Variants in SMYD3 observed in about 807,000 individuals in gnomAD.
SMYD3 encodes histone-lysine N-methyltransferase SMYD3.
In SMYD3, 36 loss-of-function variants were observed where a neutral mutation model predicts 57.7. The observed-to-expected ratio is 0.62, with a 90% CI of 0.48 to 0.82. SMYD3 has a LOEUF of 0.82. Ranked by LOEUF, SMYD3 falls within the 40% of genes least tolerant of loss-of-function variation. The pLI is 0.00. For synonymous variants in SMYD3, 211 were observed against 195.0 expected, an observed-to-expected ratio of 1.08 and a Z score of -0.68; for missense variants, 515 against 538.8, an observed-to-expected ratio of 0.96 and a Z score of 0.44.
At chr1:245,959,941 G>C (rs2057957129) in intron 5 of SMYD3, among the ~76,000 whole-genome samples, 1 of 151,976 alleles carries the variant, frequency 6.6e-6, no homozygotes, top group South Asian at 2.1e-4. Context: ...ACCATGCCCG[G>C]CTAACTTTTT....
intron 5 of SMYD3, among the ~76,000 whole-genome samples, chr1:246,299,677 C>T (rs1383580096): frequency 2.0e-5 from 3 of 152,068 alleles, no homozygotes; most frequent in African/African-American, 7.2e-5. Context: ...GAGATGGTAT[C>T]CTTTGCAAGA....
chr1:246,357,031 A>G lies in SMYD3; in HGVS notation c.165-1937T>C, dbSNP rs141127733. Among the ~76,000 whole-genome samples the G allele has an allele frequency of 4.6e-5, 7 of 152,346 alleles. No individual in the cohort carries two copies. The East Asian group carries it at 1.4e-3, about 29-fold the overall frequency. On this transcript the variant is annotated intron_variant, in intron 1 of 11. Coordinates refer to ENST00000490107, the MANE Select transcript of SMYD3 (RefSeq NM_001167740.2). Reference sequence around the variant, plus strand: ...AGACTCTTAAGAGCTGTGAGGCAAAAGCATCAGGTAGCCTATAAAAGAAAA... The same window carrying G: ...AGACTCTTAAGAGCTGTGAGGCAAAGGCATCAGGTAGCCTATAAAAGAAAA...
chr1:245,814,461 T>C, intron 10 of SMYD3: 2 of 861,074 alleles, frequency 2.3e-6, no homozygotes, highest in Non-Finnish European at 2.8e-6. Flanking sequence ...ACAATAAAAA[T>C]AAATAAATAA....
chr1:246,487,379 G>A (rs2068204936), intron 1 of SMYD3, among the ~76,000 whole-genome samples: 1 of 151,968 alleles, frequency 6.6e-6, no homozygotes. Flanking sequence ...AGAATCACTT[G>A]AACCCAGGAG....
intron 5 of SMYD3, among the ~76,000 whole-genome samples, chr1:246,183,820 T>C (rs1436502604): frequency 6.6e-6 from 1 of 152,178 alleles, no homozygotes; most frequent in Non-Finnish European, 1.5e-5. Flanking sequence ...CCTGGAACAT[T>C]AGCAGGTTTA....
chr1:246,210,969 T>G (rs972102268), intron 5 of SMYD3, among the ~76,000 whole-genome samples: 42 of 152,170 alleles, frequency 2.8e-4, no homozygotes, highest in African/African-American at 1.0e-3. Flanking sequence ...CAGGCGCGTC[T>G]GCTGTGAAAG....
chr1:246,299,241 A>G (rs1048667207), intron 5 of SMYD3, among the ~76,000 whole-genome samples: 4 of 152,206 alleles, frequency 2.6e-5, no homozygotes, highest in African/African-American at 9.6e-5. Context: ...GTGTATGAAA[A>G]AAAGCTCAAC....
At chr1:246,377,055 A>G (rs12116828) in intron 1 of SMYD3, among the ~76,000 whole-genome samples, 149,906 of 152,218 alleles carry the variant, frequency 0.98, 73,823 homozygotes, top group East Asian at 1. Context: ...AACCGAGATC[A>G]CACCATTGTA....
At chr1:245,774,595 G>T (rs1014127531) in intron 10 of SMYD3, among the ~76,000 whole-genome samples, 6 of 152,126 alleles carry the variant, frequency 3.9e-5, no homozygotes, top group Non-Finnish European at 8.8e-5. Flanking sequence ...GAAAACCACT[G>T]AAGTATACAC....
intron 1 of SMYD3, among the ~76,000 whole-genome samples, chr1:246,357,571 A>G (rs906948342): frequency 6.6e-6 from 1 of 152,072 alleles, no homozygotes; most frequent in Non-Finnish European, 1.5e-5. Context: ...ACTTTACTCT[A>G]TGGACTCACC....
At chr1:245,854,765 A>C (rs113142216) in intron 10 of SMYD3, among the ~76,000 whole-genome samples, 1 of 152,204 alleles carries the variant, frequency 6.6e-6, no homozygotes, top group Non-Finnish European at 1.5e-5. Context: ...GCAGAAGTGC[A>C]GGAGAAAGTG....
intron 10 of SMYD3, among the ~76,000 whole-genome samples, chr1:245,828,559 A>G (rs1259201796): frequency 6.6e-6 from 1 of 152,204 alleles, no homozygotes; most frequent in Non-Finnish European, 1.5e-5. Context: ...TAATAGACAA[A>G]TAATAATTGT....
At chr1:245,793,639 C>T (rs1173771838) in intron 10 of SMYD3, among the ~76,000 whole-genome samples, 2 of 151,868 alleles carry the variant, frequency 1.3e-5, no homozygotes, top group Non-Finnish European at 2.9e-5. Context: ...CCCTGCTCTG[C>T]CCAGTGCCCC....
At chr1:246,059,632 A>G (rs6697845) in intron 5 of SMYD3, among the ~76,000 whole-genome samples, 37,215 of 151,390 alleles carry the variant, frequency 0.25, 5,082 homozygotes, top group East Asian at 0.39. Flanking sequence ...TGGATTTAAG[A>G]AAAAAAACCA....
chr1:246,223,116 C>T (rs376717469), intron 5 of SMYD3, among the ~76,000 whole-genome samples: 2 of 150,800 alleles, frequency 1.3e-5, no homozygotes, highest in South Asian at 2.1e-4. Flanking sequence ...ATCTGCCCAA[C>T]TCCTTTGATT....
chr1:245,789,589 G>A (rs185880003), intron 10 of SMYD3, among the ~76,000 whole-genome samples: 2 of 152,144 alleles, frequency 1.3e-5, no homozygotes, highest in Admixed American at 6.5e-5. Context: ...AAGTACAATT[G>A]TGTGGTCTGT....
At chr1:246,225,847 G>C (rs1394674867) in intron 5 of SMYD3, among the ~76,000 whole-genome samples, 2 of 152,148 alleles carry the variant, frequency 1.3e-5, no homozygotes, top group African/African-American at 4.8e-5. Context: ...GTGCAAAATA[G>C]TAGCATTCGG....
intron 10 of SMYD3, among the ~76,000 whole-genome samples, chr1:245,807,935 G>A (rs1003098783): frequency 2.5e-4 from 38 of 151,982 alleles, no homozygotes; most frequent in African/African-American, 8.7e-4. Flanking sequence ...ATTTTTAATA[G>A]TCGTTATGAT....
At chr1:246,285,164 C>T (rs2064535097) in intron 5 of SMYD3, among the ~76,000 whole-genome samples, 1 of 152,102 alleles carries the variant, frequency 6.6e-6, no homozygotes, top group Non-Finnish European at 1.5e-5. Flanking sequence ...TATTCTTATG[C>T]CTTTGCACCC....
Sources: gnomAD v4.1 joint callset for allele counts (sites outside exome capture counted in the v4.1 genomes callset) on GRCh38, gnomAD v4.1.1 for gene constraint, MANE v1.5 for transcripts, NCBI Gene and HGNC (gene_info 2026-07-23, HGNC 2026-07-21) for gene names.